Variants in MICALL2 observed in about 807,000 individuals in gnomAD.
The protein encoded by MICALL2 is MICAL like 2.
In MICALL2, 111 loss-of-function variants were observed where a neutral mutation model predicts 91.1. The ratio of observed to expected loss-of-function variants is 1.22; its 90% confidence interval spans 1.04 to 1.43. The LOEUF is 1.43. Ranked by LOEUF, MICALL2 falls within the 40% of genes most tolerant of loss-of-function variation. The probability of loss-of-function intolerance (pLI) is 0.00; values close to 1 mark genes in which losing one functional copy is unlikely to be tolerated. For missense variants in MICALL2, 1,556 were observed against 1,236.0 expected, an observed-to-expected ratio of 1.26 and a Z score of -3.88; for synonymous variants, 694 against 525.3, an observed-to-expected ratio of 1.32 and a Z score of -4.39.
chr7:1,454,708 AGAG>A (rs773666301), intron 1 of MICALL2, among the ~76,000 whole-genome samples: 30 of 152,284 alleles, frequency 2.0e-4, no homozygotes, highest in Middle Eastern at 6.8e-3. Flanking sequence ...CCCGCGTGGG[AGAG>A]GAGGTCAGCC....
At chr7:1,453,490 C>T (rs902084851) in intron 1 of MICALL2, among the ~76,000 whole-genome samples, 12 of 152,256 alleles carry the variant, frequency 7.9e-5, no homozygotes, top group African/African-American at 1.4e-4. Flanking sequence ...TGCAGAACTG[C>T]GGGAGGACAC....
At chr7:1,447,272 C>T (rs957592693) in intron 4 of MICALL2, among the ~76,000 whole-genome samples, 1 of 152,190 alleles carries the variant, frequency 6.6e-6, no homozygotes, top group African/African-American at 2.4e-5. Flanking sequence ...GCCTTGGGTA[C>T]AGGGCATAGC....
chr7:1,452,188 T>C lies in MICALL2; in HGVS notation c.144-1900A>G, dbSNP rs1198920655. Among the ~76,000 whole-genome samples the C allele has an allele frequency of 6.6e-6, 1 of 152,182 alleles. No individual in the cohort carries two copies. Among genetic ancestry groups the C allele is most frequent in the Non-Finnish European group, 1.5e-5 (1 of 68,006 alleles). On this transcript the variant is annotated intron_variant, in intron 1 of 16. Coordinates refer to ENST00000297508, the MANE Select transcript of MICALL2 (RefSeq NM_182924.4). This position sits in a 1 kb window ranked among gnomAD's most constrained non-coding sequence, Gnocchi z 6.2. ...CGGAGCTTCTGCACGCCGGACAAGA[T>C]GGGGCGCGGACTCCTCTCCGTGTGG...
At position 1,437,940 on chromosome 7, in the gene MICALL2, G is replaced by T; in HGVS notation, c.2352C>A (p.Leu784=). The T allele has an allele frequency of 6.5e-7, 1 of 1,549,922 alleles. No homozygotes were observed. Among genetic ancestry groups the T allele is most frequent in the Non-Finnish European group, 8.7e-7 (1 of 1,147,080 alleles). The change falls in exon 13 of 17, where the codon CTC becomes CTA. Residue 784 remains leucine, a synonymous_variant. Transcript: ENST00000297508. The part of the protein sequence containing the change: ...EDSLMVDWFW[L]IHEKQLLLRQ... ...TCAGCAGAAGCTGCTTCTCGTGAAT[G>T]AGCCAGAACCAGTCCACCATGAGGC...
chr7:1,445,262 A>G lies in MICALL2; in HGVS notation c.808T>C (p.Ser270Pro), dbSNP rs1413306130. ...PGAMGVDSRT[S>P]CSPQKAQEAN... The stretch of plus-strand genomic sequence containing the variant: ...TCCTGGGCCTTCTGTGGGGAACAGG[A>G]GGTCCTGGAATCCACACCCATGGCC... The change falls in exon 6 of 17, where the codon TCC (serine) becomes CCC (proline). Residue 270 changes from serine to proline, a missense_variant. By Grantham distance (74) the Ser-to-Pro change is moderately conservative. Transcript: ENST00000297508. 1.3e-5 allele frequency: 21 copies of G among 1,612,432 alleles called. No homozygotes were observed. Among genetic ancestry groups the G allele is most frequent in the East Asian group, 1.1e-4 (5 of 44,878 alleles).
At chr7:1,437,117 C>T (rs557517774) in intron 14 of MICALL2, 72 of 478,536 alleles carry the variant, frequency 1.5e-4, no homozygotes, top group Middle Eastern at 5.3e-4. Context: ...AGGCTCAGGG[C>T]GTCGCTGTCC....
chr7:1,435,749 G>A lies in MICALL2; in HGVS notation c.2592-602C>T, dbSNP rs1280871777. On this transcript the variant is annotated intron_variant, in intron 15 of 16. Coordinates refer to ENST00000297508, the MANE Select transcript of MICALL2 (RefSeq NM_182924.4). ...CCAGGAGACGCACGTGGCCTTGGAA[G>A]TTCAAGTTAAAAACTAAGACTTTGG... 3.9e-5 allele frequency among the ~76,000 whole-genome samples: 6 copies of A among 152,344 alleles called. No individual in the cohort carries two copies. In the South Asian group the frequency reaches 1.0e-3, roughly 26 times the overall value.
rs146816028 is a variant in MICALL2, at chr7:1,452,856, G to A, written c.144-2568C>T. Among the ~76,000 whole-genome samples, 449 of 152,144 alleles carry A rather than the reference G, an allele frequency of 3.0e-3. 4 individuals are homozygous for A. In the South Asian group the frequency reaches 0.031, roughly 11 times the overall value. ...CTATTCAACTGGGCTGCACCACCCC[G>A]GCCGGTCCCACAGCCACCACCCATC... On this transcript the variant is annotated intron_variant, in intron 1 of 16. Coordinates refer to ENST00000297508, the MANE Select transcript of MICALL2 (RefSeq NM_182924.4). This position sits in a 1 kb window ranked among gnomAD's most constrained non-coding sequence, Gnocchi z 6.2.
intron 14 of MICALL2, 40 bp downstream of exon 14, chr7:1,437,495 C>T (rs1464451415): frequency 6.7e-7 from 1 of 1,495,818 alleles, no homozygotes; most frequent in African/African-American, 1.4e-5. Context: ...TCCGCGGCAT[C>T]CCTGGCTGGG....
intron 1 of MICALL2, among the ~76,000 whole-genome samples, chr7:1,453,090 C>T (rs973713267): frequency 7.2e-5 from 11 of 152,110 alleles, no homozygotes; most frequent in African/African-American, 2.2e-4. Flanking sequence ...CCGCCAGAAC[C>T]GTCTCGCAAG....
At chr7:1,435,256 A>T in intron 15 of MICALL2, 109 bp from the exon 16 acceptor site, 2 of 1,057,778 alleles carry the variant, frequency 1.9e-6, no homozygotes, top group South Asian at 1.3e-5. Context: ...TCCCGCCTGG[A>T]CCCATGCCAC....
rs529571076 is a variant in MICALL2, at chr7:1,443,055, C to T, written c.1419-571G>A. ...CTGAGGTGGGGGCACCAGGTGCCTCCCCACCCCCGAGCCAGTGCCTCCATG... is the reference window on the plus strand; with the variant it reads ...CTGAGGTGGGGGCACCAGGTGCCTCTCCACCCCCGAGCCAGTGCCTCCATG... On this transcript the variant is annotated intron_variant, in intron 6 of 16. Transcript: ENST00000297508. Among the ~76,000 whole-genome samples, 824 of 151,876 alleles carry T rather than the reference C, an allele frequency of 5.4e-3. 8 individuals are homozygous for T. Among genetic ancestry groups the T allele is most frequent in the African/African-American group, 0.019 (783 of 41,422 alleles).
intron 6 of MICALL2, 30 bp from the exon 7 acceptor site, chr7:1,442,514 A>AG (rs1780351218): frequency 2.6e-6 from 4 of 1,511,364 alleles, no homozygotes; most frequent in Non-Finnish European, 3.5e-6. Context: ...CATCAGGCAC[A>AG]GCTGGATCCA....
chr7:1,438,697 A>C, intron 10 of MICALL2, 143 bp downstream of exon 10: 5 of 1,476,110 alleles, frequency 3.4e-6, no homozygotes, highest in Non-Finnish European at 4.5e-6. Flanking sequence ...GGCCTGGGGC[A>C]CGGGGCTGGG....
rs368333374 is a variant in MICALL2 at position 1,438,943 on chromosome 7, G to A, written c.2019C>T (p.Leu673=). ...RRRRLAVPAS[L]DVCDNWLRPE... is the part of the protein sequence containing the mutation. ...GCCGAAGCCAGTTGTCACAAACGTCGAGGCTGGCAGGGACGGCCAGTCTCC... is the reference window on the plus strand; with the variant it reads ...GCCGAAGCCAGTTGTCACAAACGTCAAGGCTGGCAGGGACGGCCAGTCTCC... Residue 673 remains leucine, a synonymous_variant, in exon 10 of 17, where the codon CTC becomes CTT. Transcript: ENST00000297508. The A allele has an allele frequency of 7.5e-6, 12 of 1,605,180 alleles. No homozygotes were observed. Among genetic ancestry groups the A allele is most frequent in the Admixed American group, 1.7e-5 (1 of 59,976 alleles).
chr7:1,447,861 G>C, intron 3 of MICALL2, 96 bp from the exon 4 acceptor site: 6 of 979,742 alleles, frequency 6.1e-6, no homozygotes, highest in Non-Finnish European at 8.4e-6. Context: ...AGGCCTTGGT[G>C]CCCGGGGGGG....
At chr7:1,434,911 G>T in intron 16 of MICALL2, 190 bp downstream of exon 16, 1 of 734,814 alleles carries the variant, frequency 1.4e-6, no homozygotes, top group Non-Finnish European at 2.2e-6. Flanking sequence ...TCTCTTAGGG[G>T]CGGGAGGGAG....
At chr7:1,438,569 G>A (rs1032543714) in intron 10 of MICALL2, 2 of 1,423,958 alleles carry the variant, frequency 1.4e-6, no homozygotes, top group African/African-American at 1.4e-5. Context: ...CCCTCCTCCA[G>A]GTCAGCAACA....
chr7:1,442,157 C>T (rs372633132), intron 7 of MICALL2, 35 bp downstream of exon 7: 23 of 1,606,208 alleles, frequency 1.4e-5, no homozygotes, highest in Non-Finnish European at 1.9e-5. Context: ...AGCTGCGGGC[C>T]CCCGGGGCCT....
Sources: gnomAD v4.1 joint callset for allele counts (sites outside exome capture counted in the v4.1 genomes callset) on GRCh38, gnomAD v4.1.1 for gene constraint, Gnocchi (gnomAD v3.1) non-coding constraint, MANE v1.5 for transcripts, NCBI Gene and HGNC (gene_info 2026-07-23, HGNC 2026-07-21) for gene names.